The following PBRM1 variants were observed in gnomAD, a reference collection of about 807,000 sequenced individuals.
PBRM1 encodes the protein polybromo 1.
In PBRM1, 27 loss-of-function variants were observed where a neutral mutation model predicts 194.5. The observed-to-expected ratio is 0.14, with a 90% CI of 0.10 to 0.19. PBRM1 has a LOEUF of 0.19. PBRM1 is among the 10% of genes least tolerant of loss of function. The pLI is 1.00. For missense variants in PBRM1, 1,466 were observed against 2,077.2 expected, an observed-to-expected ratio of 0.71 and a Z score of 5.72; for synonymous variants, 655 against 693.2, an observed-to-expected ratio of 0.94 and a Z score of 0.87.
intron 22 of PBRM1, among the ~76,000 whole-genome samples, chr3:52,564,769 T>C (rs140237119): frequency 9.9e-5 from 15 of 152,234 alleles, no homozygotes; most frequent in South Asian, 4.1e-4. Flanking sequence ...TTATGGATAA[T>C]TGATTTTTGA....
At chr3:52,554,829 C>G in exon 27 of PBRM1, 1 of 1,600,194 alleles carries the variant, frequency 6.2e-7, no homozygotes, top group Non-Finnish European at 8.5e-7. Context: ...ACAAGGCCAT[C>G]AACTGGGCCC....
chr3:52,673,669 C>T (rs1284438161), intron 2 of PBRM1, among the ~76,000 whole-genome samples: 1 of 85,924 alleles, frequency 1.2e-5, no homozygotes, highest in African/African-American at 5.6e-5. Context: ...GGGACTCCAT[C>T]TCAAAAAAAA....
intron 5 of PBRM1, among the ~76,000 whole-genome samples, chr3:52,654,712 G>A (rs1367481902): frequency 1.3e-5 from 2 of 152,096 alleles, no homozygotes; most frequent in African/African-American, 4.8e-5. Context: ...CTCCTGCAGG[G>A]TAAGAATAAA....
chr3:52,623,725 C>T (rs2095354727), intron 13 of PBRM1, among the ~76,000 whole-genome samples: 2 of 152,140 alleles, frequency 1.3e-5, no homozygotes, highest in South Asian at 2.1e-4. Context: ...CTGTCATTAA[C>T]TTGTTTTTCA....
At chr3:52,620,424 C>CT (rs1178504361) in intron 13 of PBRM1, among the ~76,000 whole-genome samples, 2 of 152,152 alleles carry the variant, frequency 1.3e-5, no homozygotes, top group Admixed American at 1.3e-4. Flanking sequence ...TTTCAAGAAG[C>CT]TTAACAGTTC....
intron 10 of PBRM1, among the ~76,000 whole-genome samples, chr3:52,637,691 G>A (rs1389788124): frequency 6.7e-6 from 1 of 149,888 alleles, no homozygotes; most frequent in East Asian, 2.0e-4. Context: ...ACTTTGGGAG[G>A]CTGAGGCGGG....
intron 10 of PBRM1, among the ~76,000 whole-genome samples, chr3:52,635,988 T>C (rs926804439): frequency 6.6e-6 from 1 of 152,142 alleles, no homozygotes; most frequent in Non-Finnish European, 1.5e-5. Flanking sequence ...CTCAGCCTCC[T>C]GAGTAGCTGG....
At chr3:52,664,551 C>T (rs1452779980) in intron 3 of PBRM1, among the ~76,000 whole-genome samples, 2 of 151,708 alleles carry the variant, frequency 1.3e-5, no homozygotes, top group Non-Finnish European at 2.9e-5. Flanking sequence ...GCCTGGCCAA[C>T]GTGGTGAAAC....
intron 17 of PBRM1, among the ~76,000 whole-genome samples, chr3:52,602,750 G>C (rs138794893): frequency 6.6e-6 from 1 of 152,154 alleles, no homozygotes; most frequent in Non-Finnish European, 1.5e-5. Context: ...AAAGCTGTTG[G>C]TTTTGCAGTT....
chr3:52,640,500 G>A (rs2096031180), intron 10 of PBRM1, among the ~76,000 whole-genome samples: 1 of 151,606 alleles, frequency 6.6e-6, no homozygotes, highest in African/African-American at 2.4e-5. Context: ...TGAACTTCTG[G>A]GCTCAAGCAA....
intron 10 of PBRM1, among the ~76,000 whole-genome samples, chr3:52,638,543 G>C (rs1004448358): frequency 3.3e-5 from 5 of 151,766 alleles, no homozygotes; most frequent in Non-Finnish European, 7.4e-5. Flanking sequence ...ATTTTTAGTA[G>C]AGACGGGGAT....
At chr3:52,637,603 A>G (rs914270630) in intron 10 of PBRM1, among the ~76,000 whole-genome samples, 40 of 151,800 alleles carry the variant, frequency 2.6e-4, no homozygotes, top group African/African-American at 8.9e-4. Flanking sequence ...ACTGCACTCC[A>G]GCCTGGGTGA....
intron 10 of PBRM1, among the ~76,000 whole-genome samples, chr3:52,639,844 A>G (rs1456975182): frequency 5.9e-5 from 9 of 151,812 alleles, no homozygotes; most frequent in Non-Finnish European, 1.2e-4. Flanking sequence ...GTGCTGGGAT[A>G]AGAGGCGTGA....
intron 5 of PBRM1, among the ~76,000 whole-genome samples, chr3:52,653,901 C>T (rs574616500): frequency 6.6e-6 from 1 of 152,118 alleles, no homozygotes; most frequent in African/African-American, 2.4e-5. Context: ...CAGAGCAAGA[C>T]TGTCTTGAAA....
intron 22 of PBRM1, among the ~76,000 whole-genome samples, chr3:52,567,806 GTTTT>G (rs1163710948): frequency 4.1e-5 from 4 of 98,158 alleles, no homozygotes; most frequent in Non-Finnish European, 8.8e-5. Context: ...TAATTTTTGT[GTTTT>G]TTTTTTTTTT....
At chr3:52,563,113 A>T (rs2084093485) in intron 24 of PBRM1, among the ~76,000 whole-genome samples, 170 bp downstream of exon 26, 1 of 152,212 alleles carries the variant, frequency 6.6e-6, no homozygotes, top group Admixed American at 6.5e-5. Context: ...AATTTTTGTC[A>T]ATCAAAAATA....
chr3:52,676,690 G>A (rs1338031249), intron 2 of PBRM1, among the ~76,000 whole-genome samples: 2 of 152,204 alleles, frequency 1.3e-5, no homozygotes, highest in Non-Finnish European at 2.9e-5. Flanking sequence ...CTGGATAACA[G>A]GCAGAGGATG....
intron 16 of PBRM1, among the ~76,000 whole-genome samples, chr3:52,605,757 C>G (rs568615312): frequency 6.6e-6 from 1 of 152,064 alleles, no homozygotes; most frequent in East Asian, 1.9e-4. Context: ...CACCTACCAC[C>G]ATGCCTGGCT....
At position 52,659,713 on chromosome 3, in the gene PBRM1, G is replaced by A. The variant is rs563823077; in HGVS notation, c.529-1398C>T. On this transcript the variant is annotated intron_variant, in intron 4 of 29. Coordinates refer to ENST00000296302, the Ensembl canonical transcript of PBRM1. ...GTTGGGATTGCAGGCGTGAGCCACC[G>A]CACCAGACCCAAGAAAATCATCCTT... is the stretch of plus-strand genomic sequence containing the variant. Among the ~76,000 whole-genome samples, 196 of 152,180 alleles carry A rather than the reference G, an allele frequency of 1.3e-3. 2 individuals carry two copies. Among genetic ancestry groups the A allele is most frequent in the African/African-American group, 4.4e-3 (184 of 41,516 alleles).
Sources: allele counts gnomAD v4.1 joint callset (sites outside exome capture counted in the v4.1 genomes callset), GRCh38; gene constraint gnomAD v4.1.1; transcripts MANE v1.5; gene names NCBI Gene and HGNC (gene_info 2026-07-23, HGNC 2026-07-21).